PHAF1: variants seen among roughly 807,000 people sequenced by gnomAD.
PHAF1 encodes the protein phagophore assembly factor 1, also known as phagosome assembly factor 1.
Under a neutral mutation model 63.1 loss-of-function variants are expected in PHAF1, and 23 were observed. That is an observed-to-expected ratio of 0.36 (90% confidence interval 0.26 to 0.52). The LOEUF is 0.52. Ranked by LOEUF, PHAF1 falls within the 20% of genes least tolerant of loss-of-function variation. PHAF1 has a pLI of 0.93. For missense variants in PHAF1, 427 were observed against 517.2 expected, an observed-to-expected ratio of 0.83 and a Z score of 1.69; for synonymous variants, 167 against 185.0, an observed-to-expected ratio of 0.90 and a Z score of 0.79.
chr16:67,128,619 G>A (rs1963276292), intron 3 of PHAF1, among the ~76,000 whole-genome samples: 1 of 152,210 alleles, frequency 6.6e-6, no homozygotes, highest in African/African-American at 2.4e-5. Context: ...CTTGGCTGCT[G>A]CCACATCTCT....
Position 67,122,861 on chromosome 16 carries a change from T to TG in PHAF1, c.147+2668dup, listed in dbSNP as rs540474620. Among the ~76,000 whole-genome samples, 10 of 152,208 alleles carry TG rather than the reference T, an allele frequency of 6.6e-5. No homozygotes were observed. In the South Asian group the frequency reaches 1.9e-3, roughly 28 times the overall value. On this transcript the variant is annotated intron_variant, in intron 2 of 15. Coordinates refer to ENST00000219139, the MANE Select transcript of PHAF1 (RefSeq NM_025187.5). ...CTCCTGCCTCAGCCTCCCAAGTACCTGCGATTACAGGCACATGCCACCATG... is the reference window on the plus strand; with the variant it reads ...CTCCTGCCTCAGCCTCCCAAGTACCTGGCGATTACAGGCACATGCCACCATG...
rs1963437228 is a variant in PHAF1, at chr16:67,132,371, T to C, written c.276-75T>C. 3.1e-6 allele frequency: 4 copies of C among 1,286,346 alleles called. No homozygotes were observed. The Admixed American group carries it at 6.7e-5, about 21-fold the overall frequency. 79.7% of individuals were successfully genotyped at this position (1,286,346 alleles called of 1,614,324 possible). A position where few individuals can be genotyped will look rare whatever the true frequency, so the allele number is the denominator to read the frequency against. On this transcript the variant is annotated intron_variant, in intron 4 of 15. Transcript: ENST00000219139. ...CCTGCCTGTGTCTTAAAAATAACTCTCCCAGCTACTATCTCACATGATCTG... is the reference window on the plus strand; with the variant it reads ...CCTGCCTGTGTCTTAAAAATAACTCCCCCAGCTACTATCTCACATGATCTG...
intron 2 of PHAF1, among the ~76,000 whole-genome samples, chr16:67,122,861 T>G (rs1963040690): frequency 6.6e-6 from 1 of 152,090 alleles, no homozygotes; most frequent in Non-Finnish European, 1.5e-5. Flanking sequence ...CCCAAGTACC[T>G]GCGATTACAG....
Position 67,132,902 on chromosome 16 carries a change from A to G in PHAF1, c.441A>G (p.Pro147=), listed in dbSNP as rs1275075439. 3 of 1,608,298 alleles carry G rather than the reference A, an allele frequency of 1.9e-6. No individual in the cohort carries two copies. Among genetic ancestry groups the G allele is most frequent in the Admixed American group, 3.3e-5 (2 of 59,996 alleles). Residue 147 remains proline (P), a synonymous_variant, in exon 6 of 16, where the codon CCA becomes CCG. Transcript: ENST00000219139. The part of the protein sequence containing the change: ...SFQLDSWTEA[P]KYEPNFAHGL... Reference sequence around the variant, plus strand: ...AGTTAGACTCATGGACTGAGGCTCCAAAGTATGAGGTTAGCCCTTCCTGTC... The same window carrying G: ...AGTTAGACTCATGGACTGAGGCTCCGAAGTATGAGGTTAGCCCTTCCTGTC...
At chr16:67,119,712 G>A (rs1193557639) in intron 1 of PHAF1, among the ~76,000 whole-genome samples, 1 of 143,480 alleles carries the variant, frequency 7.0e-6, no homozygotes, top group Non-Finnish European at 1.5e-5. Context: ...TTTTTTAGTA[G>A]AGTCAGAGTT....
intron 3 of PHAF1, among the ~76,000 whole-genome samples, chr16:67,129,702 CT>C (rs1180250342): frequency 1.3e-5 from 2 of 152,234 alleles, no homozygotes; most frequent in Non-Finnish European, 2.9e-5. Flanking sequence ...CTCCGAGCCC[CT>C]ACCTGTGCTG....
chr16:67,131,240 C>G (rs747194281), intron 3 of PHAF1, 46 bp from the exon 4 acceptor site: 3 of 827,808 alleles, frequency 3.6e-6, no homozygotes. Flanking sequence ...CATTTTTAGT[C>G]TGTCATCACT....
intron 3 of PHAF1, among the ~76,000 whole-genome samples, chr16:67,130,947 T>C (rs2145858804): frequency 6.6e-6 from 1 of 152,254 alleles, no homozygotes; most frequent in South Asian, 2.1e-4. Context: ...AAACTGGTTT[T>C]TTCCCTGGTT....
chr16:67,137,609 G>C (rs889116149), intron 8 of PHAF1, among the ~76,000 whole-genome samples: 1 of 152,084 alleles, frequency 6.6e-6, no homozygotes, highest in East Asian at 1.9e-4. Flanking sequence ...GTGAGCCACC[G>C]CACCCAGCCT....
chr16:67,127,119 C>T (rs1335591643), intron 3 of PHAF1, among the ~76,000 whole-genome samples: 5 of 152,124 alleles, frequency 3.3e-5, no homozygotes, highest in Non-Finnish European at 5.9e-5. Context: ...CCGCCCGCCT[C>T]GGCCTCCCAA....
rs1210130979 is a variant in PHAF1, at chr16:67,147,210, G to A, written c.*79G>A. ...TCAGTGGGCCTCTGTACCACCCTGT[G>A]GGTTTTCTTGGACACCTGGCCAGTG... On this transcript the variant is annotated 3_prime_UTR_variant, in exon 16 of 16. Coordinates refer to ENST00000219139, the MANE Select transcript of PHAF1 (RefSeq NM_025187.5). 7.3e-7 allele frequency: 1 copy of A among 1,375,626 alleles called. No homozygotes were observed. The highest frequency in any genetic ancestry group is 1.4e-5 in the African/African-American group (1 of 70,156). 85.2% of individuals were successfully genotyped at this position (1,375,626 alleles called of 1,614,324 possible). A position where few individuals can be genotyped will look rare whatever the true frequency, so the allele number is the denominator to read the frequency against.
At position 67,134,356 on chromosome 16, in the gene PHAF1, G is replaced by A; in HGVS notation, c.550G>A (p.Ala184Thr). ...TGCTCATTCTGTGTCTGTCCCCAGG[G>A]CTCCCATGATGCCTCTGAGCTGTTT... Reference protein sequence around the residue: ...YSGNSLQDTKAPMMPLSCFLG... With the variant: ...YSGNSLQDTKTPMMPLSCFLG... The change falls in exon 8 of 16, where the codon GCT becomes ACT. Residue 184 changes from alanine to threonine, a missense_variant and splice_region_variant. By Grantham distance (58) the Ala-to-Thr change is moderately conservative (BLOSUM62 0). Coordinates refer to ENST00000219139, the MANE Select transcript of PHAF1 (RefSeq NM_025187.5). 1.9e-6 allele frequency: 3 copies of A among 1,612,996 alleles called. No homozygotes were observed. The Middle Eastern group carries it at 5.0e-4, about 266-fold the overall frequency.
intron 8 of PHAF1, among the ~76,000 whole-genome samples, chr16:67,136,554 CTTTTTTTT>C (rs34174571): frequency 3.0e-4 from 18 of 60,464 alleles, no homozygotes; most frequent in Admixed American, 1.2e-3. Context: ...GCATTGATTC[CTTTTTTTT>C]TTTTTTTTTT....
At chr16:67,118,766 CTTTTTTTTTTTTTTT>C (rs910658530) in intron 1 of PHAF1, among the ~76,000 whole-genome samples, 1 of 99,996 alleles carries the variant, frequency 1.0e-5, no homozygotes, top group Admixed American at 1.0e-4. Flanking sequence ...TGATCTTAAA[CTTTTTTTTTTTTTTT>C]TTTTTTTTTT....
In PHAF1 at chr16:67,144,320, C is replaced by G. The variant is rs774351286; in HGVS notation, c.906C>G (p.His302Gln). ...ACATCCTCTTTGATGCGAATACACA[C>G]AAAGTGAAGAAGTTTGTTCTACACA... is the stretch of plus-strand genomic sequence containing the variant. Reference protein sequence around the residue: ...GVDILFDANTHKVKKFVLHTN... With the variant: ...GVDILFDANTQKVKKFVLHTN... Residue 302 changes from histidine (H) to glutamine (Q), a missense_variant, in exon 11 of 16, where the codon CAC becomes CAG. Physicochemically the swap from His to Gln is conservative, Grantham distance 24 (BLOSUM62 0). Transcript: ENST00000219139. 3.7e-6 allele frequency: 6 copies of G among 1,612,070 alleles called. No homozygotes were observed. Among genetic ancestry groups the G allele is most frequent in the South Asian group, 2.2e-5 (2 of 91,030 alleles).
At chr16:67,127,240 G>A (rs1353783916) in intron 3 of PHAF1, among the ~76,000 whole-genome samples, 6 of 152,202 alleles carry the variant, frequency 3.9e-5, no homozygotes, top group Admixed American at 1.3e-4. Context: ...CCAGAGTCAT[G>A]CCTCAAAGTC....
intron 6 of PHAF1, among the ~76,000 whole-genome samples, chr16:67,133,804 T>A (rs1024460126): frequency 4.7e-5 from 7 of 147,682 alleles, no homozygotes; most frequent in African/African-American, 1.7e-4. Context: ...AATTAGCTGG[T>A]TGTGGTGGTG....
intron 1 of PHAF1, 158 bp from the exon 2 acceptor site, chr16:67,119,954 T>A (rs1962907136): frequency 1.7e-6 from 1 of 593,134 alleles, no homozygotes; most frequent in Non-Finnish European, 3.0e-6. Flanking sequence ...ATTGTAGCTC[T>A]TACTGCTTAT....
chr16:67,123,380 C>T (rs940217088), intron 2 of PHAF1, among the ~76,000 whole-genome samples: 2 of 151,880 alleles, frequency 1.3e-5, no homozygotes, highest in Non-Finnish European at 2.9e-5. Context: ...AGTTCGAGAC[C>T]AGCCTGGCCA....
Sources: allele counts gnomAD v4.1 joint callset (sites outside exome capture counted in the v4.1 genomes callset), GRCh38; gene constraint gnomAD v4.1.1; transcripts MANE v1.5; gene names NCBI Gene and HGNC (gene_info 2026-07-23, HGNC 2026-07-21).